The following EFNA5 variants were observed in gnomAD, a reference collection of about 807,000 sequenced individuals.
EFNA5 encodes the protein ephrin-A5.
A neutral mutation model predicts 22.9 loss-of-function variants in EFNA5; 5 were observed. The observed-to-expected ratio is 0.22, with a 90% CI of 0.11 to 0.46. The LOEUF is 0.46. EFNA5 is among the 20% of genes least tolerant of loss of function. The probability of loss-of-function intolerance (pLI) is 0.99; values close to 1 mark genes in which losing one functional copy is unlikely to be tolerated. For synonymous variants in EFNA5, 113 were observed against 112.2 expected (o/e 1.01, Z -0.04); for missense variants, 237 against 293.3 (o/e 0.81, Z 1.40).
intron 1 of EFNA5, among the ~76,000 whole-genome samples, chr5:107,489,861 C>T (rs773785628): frequency 2.0e-5 from 3 of 152,156 alleles, no homozygotes; most frequent in Non-Finnish European, 4.4e-5. Flanking sequence ...TACCAGTGTG[C>T]TAGGAATGCA....
chr5:107,397,860 G>A (rs1165104748), intron 2 of EFNA5, among the ~76,000 whole-genome samples: 3 of 152,144 alleles, frequency 2.0e-5, no homozygotes, highest in Non-Finnish European at 4.4e-5. Flanking sequence ...TATGTTGATT[G>A]AGTGGAGAAA....
At chr5:107,425,417 T>C (rs1222115820) in intron 2 of EFNA5, among the ~76,000 whole-genome samples, 1 of 152,234 alleles carries the variant, frequency 6.6e-6, no homozygotes, top group Non-Finnish European at 1.5e-5. Context: ...ATTGGTATAG[T>C]ATTTTACAGT....
At chr5:107,657,728 C>G (rs756886718) in intron 1 of EFNA5, among the ~76,000 whole-genome samples, 3 of 152,038 alleles carry the variant, frequency 2.0e-5, no homozygotes, top group Non-Finnish European at 2.9e-5. Flanking sequence ...ACCGTTTTAT[C>G]TCTTTTAAAA....
chr5:107,400,716 T>G (rs252810), intron 2 of EFNA5, among the ~76,000 whole-genome samples: 1 of 152,104 alleles, frequency 6.6e-6, no homozygotes, highest in African/African-American at 2.4e-5. Flanking sequence ...ATATTCAAGG[T>G]TATATATTAC....
chr5:107,563,132 C>A (rs959971910), intron 1 of EFNA5, among the ~76,000 whole-genome samples: 4 of 152,188 alleles, frequency 2.6e-5, no homozygotes, highest in African/African-American at 9.6e-5. Context: ...TTAAATAACT[C>A]CTTTGCAAAG....
At position 107,501,734 on chromosome 5, in the gene EFNA5, T is replaced by C. The variant is rs147800310; in HGVS notation, c.126-74225A>G. ...TTGTGGTATTTTAAGCCTCACTTTG[T>C]TGAAGCAGCAATTATTTTCATAACC... On this transcript the variant is annotated intron_variant, in intron 1 of 4. Transcript: ENST00000333274. Among the ~76,000 whole-genome samples, 238 of 152,332 alleles carry C rather than the reference T, an allele frequency of 1.6e-3. 2 individuals are homozygous for C. The highest frequency in any genetic ancestry group is 0.01 in the Middle Eastern group (3 of 294).
At chr5:107,645,444 C>G (rs779557085) in intron 1 of EFNA5, among the ~76,000 whole-genome samples, 1 of 152,198 alleles carries the variant, frequency 6.6e-6, no homozygotes, top group Non-Finnish European at 1.5e-5. Context: ...ATGTTAATAA[C>G]TCTGCCAAAT....
chr5:107,659,083 A>G (rs2112558744), intron 1 of EFNA5, among the ~76,000 whole-genome samples: 1 of 152,292 alleles, frequency 6.6e-6, no homozygotes, highest in East Asian at 1.9e-4. Context: ...AGTTCCTTAC[A>G]GGTGCAAATG....
intron 1 of EFNA5, among the ~76,000 whole-genome samples, chr5:107,623,027 CAAAAAAAAAAAAAAAAAA>C (rs61689503): frequency 3.3e-5 from 1 of 29,886 alleles, no homozygotes; most frequent in Non-Finnish European, 5.6e-5. Context: ...GACTCCGTCT[CAAAAAAAAAAAAAAAAAA>C]AAAAAAAAAA....
intron 1 of EFNA5, among the ~76,000 whole-genome samples, chr5:107,507,968 A>G (rs1747286681): frequency 6.6e-6 from 1 of 152,208 alleles, no homozygotes; most frequent in Admixed American, 6.5e-5. Context: ...GAAAGAGGAC[A>G]AGGTGGGATC....
intron 1 of EFNA5, among the ~76,000 whole-genome samples, chr5:107,510,320 T>C (rs1286451568): frequency 2.0e-5 from 3 of 152,204 alleles, no homozygotes; most frequent in Non-Finnish European, 4.4e-5. Context: ...GGGAGTAACC[T>C]GCAGTTCCAG....
intron 1 of EFNA5, among the ~76,000 whole-genome samples, chr5:107,499,342 A>G (rs1747079295): frequency 6.6e-6 from 1 of 152,224 alleles, no homozygotes; most frequent in Non-Finnish European, 1.5e-5. Flanking sequence ...TGAATTAAAG[A>G]GCCTGCATCT....
At chr5:107,623,909 C>T (rs73200637) in intron 1 of EFNA5, among the ~76,000 whole-genome samples, 4,249 of 152,132 alleles carry the variant, frequency 0.028, 192 homozygotes, top group African/African-American at 0.098. Flanking sequence ...ACCTCCTCCC[C>T]AAATTCCAAA....
intron 1 of EFNA5, among the ~76,000 whole-genome samples, chr5:107,653,840 T>C (rs1750778300): frequency 1.3e-5 from 2 of 152,280 alleles, no homozygotes; most frequent in African/African-American, 2.4e-5. Context: ...ATGTATATCT[T>C]GTGAGCAGAG....
At chr5:107,520,729 TGTGA>T (rs777329810) in intron 1 of EFNA5, among the ~76,000 whole-genome samples, 2 of 152,236 alleles carry the variant, frequency 1.3e-5, no homozygotes, top group African/African-American at 4.8e-5. Flanking sequence ...TTCGAGGATG[TGTGA>T]GTGTTTCTGA....
At chr5:107,465,917 G>T (rs1041576662) in intron 1 of EFNA5, among the ~76,000 whole-genome samples, 2 of 152,104 alleles carry the variant, frequency 1.3e-5, no homozygotes, top group Non-Finnish European at 2.9e-5. Context: ...TGTGCGGTGT[G>T]CTCTGCAACC....
At chr5:107,514,856 G>A (rs1747443650) in intron 1 of EFNA5, among the ~76,000 whole-genome samples, 2 of 152,116 alleles carry the variant, frequency 1.3e-5, no homozygotes, top group South Asian at 4.1e-4. Context: ...GAGTTAAGAA[G>A]AAATTAGGCA....
intron 1 of EFNA5, among the ~76,000 whole-genome samples, chr5:107,547,827 G>A (rs2112465986): frequency 6.6e-6 from 1 of 152,126 alleles, no homozygotes; most frequent in South Asian, 2.1e-4. Context: ...ATGTAACTTT[G>A]GTAAAATAGC....
intron 1 of EFNA5, among the ~76,000 whole-genome samples, chr5:107,500,881 C>A (rs1148172): frequency 0.14 from 19,064 of 136,150 alleles, 1,603 homozygotes; most frequent in East Asian, 0.25. Context: ...TAAAAAAAAA[C>A]AAAACAAAAA....
Sources: gnomAD v4.1 joint callset for allele counts (sites outside exome capture counted in the v4.1 genomes callset) on GRCh38, gnomAD v4.1.1 for gene constraint, MANE v1.5 for transcripts, NCBI Gene and HGNC (gene_info 2026-07-23, HGNC 2026-07-21) for gene names.